Variants in SPRED1 observed in about 807,000 individuals in gnomAD.
SPRED1 encodes sprouty-related, EVH1 domain-containing protein 1.
Under a neutral mutation model 52.3 loss-of-function variants are expected in SPRED1, and 18 were observed. The ratio of observed to expected loss-of-function variants is 0.34; its 90% CI spans 0.24 to 0.51. The LOEUF is 0.51. Among genes scored for constraint, SPRED1 ranks in the 20% least tolerant of loss-of-function variants. The pLI is 0.97. For missense variants in SPRED1, 485 were observed against 551.0 expected (o/e 0.88, Z 1.20); for synonymous variants, 155 against 179.7 (o/e 0.86, Z 1.10).
At position 38,285,047 on chromosome 15, in the gene SPRED1, T is replaced by C. The variant is rs574605513; in HGVS notation, c.33-14326T>C. 2.2e-3 allele frequency among the ~76,000 whole-genome samples: 336 copies of C among 151,930 alleles called. 1 individual carries two copies. Among genetic ancestry groups the C allele is most frequent in the Non-Finnish European group, 3.9e-3 (265 of 67,928 alleles). ...CACACCATTTTAAATACTAGATCTA[T>C]TTTTTTTAAATATATTTTTTTGCTC... is the stretch of plus-strand genomic sequence containing the variant. On this transcript the variant is annotated intron_variant, in intron 1 of 6. Transcript: ENST00000299084.
intron 1 of SPRED1, among the ~76,000 whole-genome samples, chr15:38,264,988 C>A (rs1163779143): frequency 1.3e-5 from 2 of 152,188 alleles, no homozygotes; most frequent in Admixed American, 1.3e-4. Flanking sequence ...AAGATGTTGA[C>A]TGATATTGCA....
chr15:38,313,002 T>A (rs1895398782), intron 2 of SPRED1, among the ~76,000 whole-genome samples: 1 of 151,904 alleles, frequency 6.6e-6, no homozygotes, highest in Non-Finnish European at 1.5e-5. Context: ...AATGTATCAT[T>A]TTCTCCCTCT....
chr15:38,309,812 A>G (rs1895324795), intron 2 of SPRED1, among the ~76,000 whole-genome samples: 1 of 152,000 alleles, frequency 6.6e-6, no homozygotes, highest in Admixed American at 6.6e-5. Context: ...TTTTTTTCCT[A>G]TGAATGTCCA....
chr15:38,307,575 G>A (rs1566862325), intron 2 of SPRED1, among the ~76,000 whole-genome samples: 1 of 152,038 alleles, frequency 6.6e-6, no homozygotes, highest in Non-Finnish European at 1.5e-5. Flanking sequence ...TCCAAATGTA[G>A]TCACCATGGA....
chr15:38,351,105 C>T lies in SPRED1; in HGVS notation c.776C>T (p.Ala259Val), dbSNP rs1347642838. The change falls in exon 7 of 7, where the codon GCA becomes GTA. Residue 259 changes from alanine (A) to valine (V), a missense_variant. Ala to Val is a moderately conservative substitution (Grantham distance 64, BLOSUM62 0). Transcript: ENST00000299084. ...CGAGATATCTTAATACGTCGCTATG[C>T]AGACTACAGACATCCTGACATGTGG... is the stretch of plus-strand genomic sequence containing the variant. The part of the protein sequence containing the change: ...NPRDILIRRY[A>V]DYRHPDMWKN... 1 of 1,613,942 alleles carries T rather than the reference C, an allele frequency of 6.2e-7. No homozygotes were observed. The highest frequency in any genetic ancestry group is 1.1e-5 in the South Asian group (1 of 91,080).
At chr15:38,276,434 C>T (rs150049969) in intron 1 of SPRED1, among the ~76,000 whole-genome samples, 1 of 152,080 alleles carries the variant, frequency 6.6e-6, no homozygotes, top group East Asian at 1.9e-4. Context: ...ACTATACACC[C>T]GTTAAATGAT....
In SPRED1 at chr15:38,339,749, G is replaced by T; in HGVS notation, c.436G>T (p.Asp146Tyr). Residue 146 changes from aspartate to tyrosine, a missense_variant, in exon 5 of 7, where the codon GAT (aspartate) becomes TAT (tyrosine). By Grantham distance (160) the Asp-to-Tyr change is radical. Coordinates refer to ENST00000299084, the MANE Select transcript of SPRED1 (RefSeq NM_152594.3). ...TTGTTCCCAATAGGCAAATGAAGAGGATTCTTCCAGTTCTCTAGTGAAGGA... is the reference window on the plus strand; with the variant it reads ...TTGTTCCCAATAGGCAAATGAAGAGTATTCTTCCAGTTCTCTAGTGAAGGA... ...GADDLQANEE[D>Y]SSSSLVKDHL... is the part of the protein sequence containing the mutation. The T allele has an allele frequency of 1.2e-6, 2 of 1,613,780 alleles. No individual in the cohort carries two copies. The highest frequency in any genetic ancestry group is 2.2e-5 in the East Asian group (1 of 44,830).
At chr15:38,293,547 A>G (rs1894968034) in intron 1 of SPRED1, among the ~76,000 whole-genome samples, 1 of 152,172 alleles carries the variant, frequency 6.6e-6, no homozygotes, top group African/African-American at 2.4e-5. Flanking sequence ...AATCAAACTC[A>G]GCTCTTCTCT....
At chr15:38,337,387 CTT>C (rs1245907809) in intron 4 of SPRED1, among the ~76,000 whole-genome samples, 1 of 152,044 alleles carries the variant, frequency 6.6e-6, no homozygotes, top group Non-Finnish European at 1.5e-5. Context: ...TTCAAACAGT[CTT>C]TTGTTTGCCA....
Position 38,258,676 on chromosome 15 carries a change from A to T in SPRED1, c.32+5459A>T, listed in dbSNP as rs545310649. 1.8e-4 allele frequency among the ~76,000 whole-genome samples: 28 copies of T among 152,322 alleles called. No homozygotes were observed. In the South Asian group the frequency reaches 3.7e-3, roughly 20 times the overall value. ...TTTTCTTTGCCAATTTTGAAGGTAG[A>T]AAATGAAGTCTTATTTTTTAAATGC... is the stretch of plus-strand genomic sequence containing the variant. On this transcript the variant is annotated intron_variant, in intron 1 of 6. Coordinates refer to ENST00000299084, the MANE Select transcript of SPRED1 (RefSeq NM_152594.3).
chr15:38,283,029 C>G (rs2140966136), intron 1 of SPRED1, among the ~76,000 whole-genome samples: 1 of 152,184 alleles, frequency 6.6e-6, no homozygotes, highest in South Asian at 2.1e-4. Context: ...AGTCCGTTCT[C>G]ACACTGCTAT....
chr15:38,347,341 T>C (rs1896159100), intron 5 of SPRED1, among the ~76,000 whole-genome samples: 1 of 152,152 alleles, frequency 6.6e-6, no homozygotes, highest in Non-Finnish European at 1.5e-5. Flanking sequence ...TTTGAGTCTG[T>C]TTCTGATGTC....
intron 2 of SPRED1, among the ~76,000 whole-genome samples, chr15:38,315,320 C>G (rs1895453887): frequency 6.6e-6 from 1 of 151,874 alleles, no homozygotes; most frequent in Non-Finnish European, 1.5e-5. Flanking sequence ...ATATAATTAT[C>G]TACTCGTAAG....
intron 2 of SPRED1, among the ~76,000 whole-genome samples, chr15:38,304,172 C>T (rs1353371067): frequency 1.3e-5 from 2 of 152,180 alleles, no homozygotes; most frequent in Non-Finnish European, 2.9e-5. Flanking sequence ...AAATGAGACT[C>T]ACCCCTTTCT....
chr15:38,338,425 A>G (rs1306450871), intron 4 of SPRED1, among the ~76,000 whole-genome samples: 2 of 151,658 alleles, frequency 1.3e-5, no homozygotes, highest in Non-Finnish European at 2.9e-5. Flanking sequence ...ACTCTTCCCA[A>G]TTTTGATTAT....
intron 3 of SPRED1, 143 bp from the exon 4 acceptor site, chr15:38,324,620 G>T: frequency 1.6e-6 from 1 of 643,844 alleles, no homozygotes. Context: ...AAATGCAAGT[G>T]GCCAGTACCT....
intron 1 of SPRED1, among the ~76,000 whole-genome samples, chr15:38,255,508 T>C (rs1894076564): frequency 6.6e-6 from 1 of 152,188 alleles, no homozygotes; most frequent in Non-Finnish European, 1.5e-5. Context: ...TTTAAAAAAC[T>C]CTATTATATT....
chr15:38,336,414 A>ATGTGTGTGTGTG (rs1303726215), intron 4 of SPRED1, among the ~76,000 whole-genome samples: 1 of 48,284 alleles, frequency 2.1e-5, no homozygotes, highest in Non-Finnish European at 4.4e-5. Context: ...GTGTATGTGT[A>ATGTGTGTGTGTG]TGTGTGTGTA....
Position 38,283,807 on chromosome 15 carries a change from G to A in SPRED1, c.33-15566G>A, listed in dbSNP as rs184081045. Among the ~76,000 whole-genome samples the A allele has an allele frequency of 2.9e-3, 440 of 152,224 alleles. 2 individuals are homozygous for A. The highest frequency in any genetic ancestry group is 9.6e-3 in the African/African-American group (399 of 41,536). The stretch of plus-strand genomic sequence containing the variant: ...GGATAATAACCCTTTCTAGGGTTAT[G>A]TCAGAATTAAAGATAATGTCTTTAA... On this transcript the variant is annotated intron_variant, in intron 1 of 6. Transcript: ENST00000299084.
Sources: gnomAD v4.1 joint callset for allele counts (sites outside exome capture counted in the v4.1 genomes callset) on GRCh38, gnomAD v4.1.1 for gene constraint, MANE v1.5 for transcripts, NCBI Gene and HGNC (gene_info 2026-07-23, HGNC 2026-07-21) for gene names.